Variants in LAMA2 observed in about 807,000 individuals in gnomAD.
LAMA2 encodes laminin subunit alpha 2.
In LAMA2, 269 loss-of-function variants were observed where a neutral mutation model predicts 364.8. The ratio of observed to expected loss-of-function variants is 0.74; its 90% CI spans 0.67 to 0.82. The LOEUF (loss-of-function observed/expected upper bound fraction) is 0.82, where lower values mean the gene tolerates loss of function less well. Ranked by LOEUF, LAMA2 falls within the 40% of genes least tolerant of loss-of-function variation. The probability of loss-of-function intolerance (pLI) is 0.00; values close to 1 mark genes in which losing one functional copy is unlikely to be tolerated. For synonymous variants in LAMA2, 1,379 were observed against 1,370.6 expected (o/e 1.01, Z -0.14); for missense variants, 3,807 against 3,873.2 (o/e 0.98, Z 0.45).
chr6:129,486,475 C>A lies in LAMA2; in HGVS notation c.7751C>A (p.Ala2584Asp). 2 of 1,613,152 alleles carry A rather than the reference C, an allele frequency of 1.2e-6. No individual in the cohort carries two copies. Among genetic ancestry groups the A allele is most frequent in the Non-Finnish European group, 8.5e-7 (1 of 1,179,278 alleles). The stretch of plus-strand genomic sequence containing the variant: ...TTCAATAACCACTTGCTGTTGCAGG[C>A]CTATTATGCAATACTCCTCAACAGG... ...PRRKRRQTGQ[A>D]YYAILLNRGR... is the part of the protein sequence containing the mutation. The change falls in exon 56 of 65, where the codon GCC (alanine) becomes GAC (aspartate). Residue 2584 changes from alanine to aspartate, a missense_variant and splice_region_variant. Ala to Asp is a moderately radical substitution (Grantham distance 126, BLOSUM62 -2). Transcript: ENST00000421865.
chr6:129,300,701 T>C, intron 21 of LAMA2, 35 bp from the exon 22 acceptor site: 1 of 1,611,258 alleles, frequency 6.2e-7, no homozygotes, highest in Non-Finnish European at 8.5e-7. Context: ...TTACTATTTT[T>C]CCCCTTCTTT....
rs867268719 is a variant in LAMA2 at position 129,206,122 on chromosome 6, A to G, written c.1782+13269A>G. 1.4e-3 allele frequency among the ~76,000 whole-genome samples: 147 copies of G among 105,152 alleles called. 2 individuals carry two copies. The highest frequency in any genetic ancestry group is 5.9e-3 in the African/African-American group (113 of 19,164). The allele number at this position is 105,152 out of a possible 152,430, so 69.0% of individuals were successfully genotyped here. On this transcript the variant is annotated intron_variant, in intron 12 of 64. Coordinates refer to ENST00000421865, the MANE Select transcript of LAMA2 (RefSeq NM_000426.4). Reference sequence around the variant, plus strand: ...GGAGGGAGGGAGGAAGGAAGGAAGGAAGGAAGGAAGGAAGGAAGGAAGGAA... The same window carrying G: ...GGAGGGAGGGAGGAAGGAAGGAAGGGAGGAAGGAAGGAAGGAAGGAAGGAA...
chr6:129,273,597 T>C (rs1788090783), intron 17 of LAMA2, among the ~76,000 whole-genome samples: 1 of 152,156 alleles, frequency 6.6e-6, no homozygotes, highest in African/African-American at 2.4e-5. Flanking sequence ...TCATGACCCA[T>C]TGTTGTCTCT....
In LAMA2 at chr6:129,478,812, A is replaced by T; in HGVS notation, c.7571A>T (p.Glu2524Val). ...GGTGTTACCAAAGGATGTTCCCTGG[A>T]GGTTGGTCTGTTTTTGATAGTTCTC... is the stretch of plus-strand genomic sequence containing the variant. ...YVGVTKGCSL[E>V]NVYTVSFPKP... Residue 2524 changes from glutamate to valine, a missense_variant and splice_region_variant, in exon 54 of 65, where the codon GAG (glutamate) becomes GTG (valine). Physicochemically the swap from Glu to Val is moderately radical, Grantham distance 121. Coordinates refer to ENST00000421865, the MANE Select transcript of LAMA2 (RefSeq NM_000426.4). The T allele has an allele frequency of 6.2e-7, 1 of 1,612,928 alleles. No individual in the cohort carries two copies. The highest frequency in any genetic ancestry group is 8.5e-7 in the Non-Finnish European group (1 of 1,179,024).
At chr6:129,102,845 G>A (rs1446199469) in intron 4 of LAMA2, among the ~76,000 whole-genome samples, 2 of 152,130 alleles carry the variant, frequency 1.3e-5, no homozygotes, top group African/African-American at 4.8e-5. Context: ...CAAATTTCTG[G>A]GACATTCAGA....
rs117531524 is a variant in LAMA2 at position 129,268,937 on chromosome 6, G to A, written c.2323-1687G>A. On this transcript the variant is annotated intron_variant, in intron 16 of 64. Transcript: ENST00000421865. ...TGGGTTCTGATACAATACACAAAGA[G>A]GAGAATATTTGAATGTTGCTCATCA... Among the ~76,000 whole-genome samples, 495 of 152,112 alleles carry A rather than the reference G, an allele frequency of 3.3e-3. 3 individuals are homozygous for A. Among genetic ancestry groups the A allele is most frequent in the Non-Finnish European group, 5.3e-3 (363 of 67,958 alleles).
At chr6:129,066,514 T>A (rs1348556594) in intron 3 of LAMA2, among the ~76,000 whole-genome samples, 1 of 152,226 alleles carries the variant, frequency 6.6e-6, no homozygotes, top group Non-Finnish European at 1.5e-5. Flanking sequence ...TACTACTCAA[T>A]GTGATCCACA....
chr6:128,960,290 ATCCCC>A (rs1382402675), intron 1 of LAMA2, among the ~76,000 whole-genome samples: 3 of 148,950 alleles, frequency 2.0e-5, no homozygotes, highest in African/African-American at 7.4e-5. Context: ...TCATGGATTA[ATCCCC>A]TAGCTTTTTG....
At chr6:129,009,390 AT>A (rs199852761) in intron 1 of LAMA2, among the ~76,000 whole-genome samples, 4,643 of 151,438 alleles carry the variant, frequency 0.031, 92 homozygotes, top group Middle Eastern at 0.055. Context: ...CAAATGTTGC[AT>A]TTTTTTTTCC....
Position 129,427,818 on chromosome 6 carries a change from C to A in LAMA2, c.5932C>A (p.Leu1978Ile), listed in dbSNP as rs368316367. 1 of 1,613,540 alleles carries A rather than the reference C, an allele frequency of 6.2e-7. No individual in the cohort carries two copies. Among genetic ancestry groups the A allele is most frequent in the African/African-American group, 1.3e-5 (1 of 74,910 alleles). ...CTGTCTTCAGAAAAGCTTCAGGATTCTTAACGAAGCCAAGAAGTTAGCAAA... is the reference window on the plus strand; with the variant it reads ...CTGTCTTCAGAAAAGCTTCAGGATTATTAACGAAGCCAAGAAGTTAGCAAA... The part of the protein sequence containing the change: ...KGCLQKSFRI[L>I]NEAKKLANDV... The change falls in exon 41 of 65, where the codon CTT (leucine) becomes ATT (isoleucine). Residue 1978 changes from leucine (L) to isoleucine (I), a missense_variant. Leu to Ile is a conservative substitution (Grantham distance 5). Around this residue, in one of 3 missense-constraint regions of LAMA2, gnomAD observed 3,333 missense variants for 3,345.7 expected, o/e 1.00. Transcript: ENST00000421865.
At chr6:129,180,958 C>A (rs1478792) in intron 10 of LAMA2, among the ~76,000 whole-genome samples, 51,596 of 151,742 alleles carry the variant, frequency 0.34, 12,565 homozygotes, top group African/African-American at 0.7. Context: ...AGCTGAACTC[C>A]CTGAAGCAGG....
intron 8 of LAMA2, among the ~76,000 whole-genome samples, chr6:129,163,312 T>C (rs1013596753): frequency 6.6e-6 from 1 of 152,170 alleles, no homozygotes; most frequent in African/African-American, 2.4e-5. Flanking sequence ...ACATATAATG[T>C]ATCTTTAATT....
chr6:129,410,583 G>T (rs904694869), intron 40 of LAMA2, among the ~76,000 whole-genome samples: 1 of 152,034 alleles, frequency 6.6e-6, no homozygotes, highest in African/African-American at 2.4e-5. Context: ...GTTGTATTAG[G>T]GTTCTCCAAA....
Position 129,516,342 on chromosome 6 carries a change from AACTAATAAAAATAAGTGT to A in LAMA2, c.9366_*14del. 6.2e-7 allele frequency: 1 copy of A among 1,613,980 alleles called. No homozygotes were observed. The highest frequency in any genetic ancestry group is 1.1e-5 in the South Asian group (1 of 91,078). ...CGTTCAACCTGTATCATGCCCAGCC[AACTAATAAAAATAAGTGT>A]AACCCCAGGAAGAGTCTGTCAAAAC... is the stretch of plus-strand genomic sequence containing the variant. On this transcript the variant is annotated stop_lost and 3_prime_UTR_variant, in exon 65 of 65. Coordinates refer to ENST00000421865, the MANE Select transcript of LAMA2 (RefSeq NM_000426.4).
In LAMA2 at chr6:129,287,703, T is replaced by C. The variant is rs78705627; in HGVS notation, c.2538-144T>C. The C allele has an allele frequency of 5.5e-3, 4,160 of 759,168 alleles. 23 individuals are homozygous for C. Among genetic ancestry groups the C allele is most frequent in the Non-Finnish European group, 8.0e-3 (3,403 of 426,456 alleles). The allele number at this position is 759,168 out of a possible 1,614,324, so 47.0% of individuals were successfully genotyped here. On this transcript the variant is annotated intron_variant, in intron 18 of 64. Coordinates refer to ENST00000421865, the MANE Select transcript of LAMA2 (RefSeq NM_000426.4). ...TCTACACTGCAGTTGTAGAAAAACA[T>C]TTTTTTAATCACGTTGCGTTTGAGA...
At chr6:129,365,241 T>G (rs950737023) in intron 32 of LAMA2, among the ~76,000 whole-genome samples, 30 of 152,236 alleles carry the variant, frequency 2.0e-4, no homozygotes, top group African/African-American at 7.2e-4. Context: ...TTTGTGAGAC[T>G]GCATCTAATC....
chr6:129,053,074 T>C (rs1562193984), intron 2 of LAMA2, among the ~76,000 whole-genome samples: 1 of 152,088 alleles, frequency 6.6e-6, no homozygotes, highest in Admixed American at 6.6e-5. Context: ...CTTTTTTGTT[T>C]TGTTTTGTTT....
chr6:129,217,143 C>T (rs1026236279), intron 12 of LAMA2, among the ~76,000 whole-genome samples: 3 of 151,042 alleles, frequency 2.0e-5, no homozygotes, highest in Non-Finnish European at 4.4e-5. Flanking sequence ...GAGCTGAGAT[C>T]GTGCCTCTGC....
chr6:129,092,716 G>C (rs574672396), intron 3 of LAMA2, among the ~76,000 whole-genome samples: 7 of 152,216 alleles, frequency 4.6e-5, no homozygotes, highest in Non-Finnish European at 1.0e-4. Flanking sequence ...GACACATGCT[G>C]TTCTCTTGAG....
Sources: allele counts gnomAD v4.1 joint callset (sites outside exome capture counted in the v4.1 genomes callset), GRCh38; gene constraint gnomAD v4.1.1; regional missense constraint gnomAD v4.1.1; transcripts MANE v1.5; gene names NCBI Gene and HGNC (gene_info 2026-07-23, HGNC 2026-07-21).